Variants in SORBS2 observed in about 807,000 individuals in gnomAD.
The protein encoded by SORBS2 is sorbin and SH3 domain-containing protein 2.
SORBS2 carries 46 observed loss-of-function variants against 97.7 expected under a neutral mutation model. The ratio of observed to expected loss-of-function variants is 0.47; its 90% CI spans 0.37 to 0.60. The LOEUF (loss-of-function observed/expected upper bound fraction) is 0.60, where lower values mean the gene tolerates loss of function less well. Ranked by LOEUF, SORBS2 falls within the 20% of genes least tolerant of loss-of-function variation. SORBS2 has a pLI of 0.00. For synonymous variants in SORBS2, 476 were observed against 473.4 expected (o/e 1.01, Z -0.07); for missense variants, 1,316 against 1,282.3 (o/e 1.03, Z -0.40).
chr4:185,940,764 C>T (rs369120575), intron 1 of SORBS2, among the ~76,000 whole-genome samples: 7 of 152,258 alleles, frequency 4.6e-5, no homozygotes, highest in Admixed American at 1.3e-4. Context: ...GTTTTCTCAT[C>T]GCTGCAAAAT....
At chr4:185,920,162 T>C (rs779535756) in intron 1 of SORBS2, among the ~76,000 whole-genome samples, 7 of 152,236 alleles carry the variant, frequency 4.6e-5, no homozygotes, top group Non-Finnish European at 8.8e-5. Flanking sequence ...AGTAGCATAA[T>C]CATCAGGAGA....
upstream of SORBS2, among the ~76,000 whole-genome samples, chr4:185,658,749 G>A (rs1028019043): frequency 2.7e-5 from 4 of 145,944 alleles, no homozygotes; most frequent in Admixed American, 2.1e-4. Flanking sequence ...GGAGTGCAGT[G>A]GTGTGGTCTC....
chr4:185,677,495 C>T, intron 4 of SORBS2: 3 of 1,551,692 alleles, frequency 1.9e-6, no homozygotes, highest in Non-Finnish European at 2.6e-6. Context: ...ACATAGTTCC[C>T]TGAAGAGGTT....
chr4:185,753,233 A>G (rs1022664277), intron 2 of SORBS2, among the ~76,000 whole-genome samples: 9 of 152,356 alleles, frequency 5.9e-5, no homozygotes, highest in South Asian at 2.1e-4. Context: ...CAACCCATAA[A>G]CACAAAAAAT....
intron 1 of SORBS2, among the ~76,000 whole-genome samples, chr4:185,850,514 C>G (rs1335962126): frequency 2.0e-5 from 3 of 152,184 alleles, no homozygotes; most frequent in Non-Finnish European, 4.4e-5. Flanking sequence ...AATGATAGCT[C>G]TGTTCTCCTA....
At chr4:185,765,904 T>C (rs748580650) in intron 2 of SORBS2, among the ~76,000 whole-genome samples, 5 of 152,244 alleles carry the variant, frequency 3.3e-5, no homozygotes, top group Non-Finnish European at 5.9e-5. Context: ...ACAAACTTTA[T>C]AAACTTGTTT....
chr4:185,944,916 T>G (rs10866286), intron 1 of SORBS2, among the ~76,000 whole-genome samples: 11 of 152,230 alleles, frequency 7.2e-5, no homozygotes, highest in African/African-American at 2.6e-4. Flanking sequence ...ACAAAACCAC[T>G]CTGTCACTGA....
chr4:185,710,338 A>G lies in SORBS2; in HGVS notation c.-197-31516T>C, dbSNP rs185997521. Among the ~76,000 whole-genome samples, 285 of 152,364 alleles carry G rather than the reference A, an allele frequency of 1.9e-3. 8 individuals are homozygous for G. The highest frequency in any genetic ancestry group is 0.017 in the Admixed American group (264 of 15,312). On this transcript the variant is annotated intron_variant, in intron 2 of 20. Coordinates refer to the SORBS2 transcript ENST00000284776. ...GCCTCATTGTTGCTCGTCTTGCGACATAAAATAACAGCATGCTAGTGGCCA... is the reference window on the plus strand; with the variant it reads ...GCCTCATTGTTGCTCGTCTTGCGACGTAAAATAACAGCATGCTAGTGGCCA...
chr4:185,949,085 AG>A (rs1372631957), intron 1 of SORBS2, among the ~76,000 whole-genome samples: 2 of 151,648 alleles, frequency 1.3e-5, no homozygotes, highest in Admixed American at 6.6e-5. Flanking sequence ...AGGAAACAGG[AG>A]GGGGGTTGGG....
chr4:185,765,067 G>T (rs73873370), intron 2 of SORBS2, among the ~76,000 whole-genome samples: 1 of 151,990 alleles, frequency 6.6e-6, no homozygotes, highest in Non-Finnish European at 1.5e-5. Context: ...GATTCAGACT[G>T]ATCTACAGTC....
intron 1 of SORBS2, among the ~76,000 whole-genome samples, chr4:185,888,908 G>A (rs1454518097): frequency 1.3e-5 from 2 of 152,240 alleles, no homozygotes; most frequent in Non-Finnish European, 2.9e-5. Context: ...ATTGTATTCA[G>A]GGCAGAGTAG....
chr4:185,944,836 C>T (rs2099273770), intron 1 of SORBS2, among the ~76,000 whole-genome samples: 1 of 152,154 alleles, frequency 6.6e-6, no homozygotes, highest in South Asian at 2.1e-4. Context: ...TCTCTGCAAT[C>T]CCATGGCACA....
chr4:185,868,645 G>T (rs765742541), intron 1 of SORBS2, among the ~76,000 whole-genome samples: 1 of 152,122 alleles, frequency 6.6e-6, no homozygotes, highest in Non-Finnish European at 1.5e-5. Flanking sequence ...GCCACCACCG[G>T]TTGTAATTTT....
chr4:185,831,391 A>G (rs1232197671), intron 1 of SORBS2, among the ~76,000 whole-genome samples: 2 of 152,226 alleles, frequency 1.3e-5, no homozygotes, highest in African/African-American at 2.4e-5. Flanking sequence ...GACTTTGGAA[A>G]TAGTTTTCTC....
At chr4:185,889,028 G>A (rs888872456) in intron 1 of SORBS2, among the ~76,000 whole-genome samples, 2 of 152,178 alleles carry the variant, frequency 1.3e-5, no homozygotes, top group African/African-American at 2.4e-5. Flanking sequence ...AGGCGATCGG[G>A]GCTGAGTGAG....
Position 185,623,267 on chromosome 4 carries a change from T to C in SORBS2, c.1862A>G (p.Gln621Arg). The C allele has an allele frequency of 6.2e-7, 1 of 1,614,150 alleles. No homozygotes were observed. The highest frequency in any genetic ancestry group is 2.2e-5 in the East Asian group (1 of 44,876). ...TGCTTTACATTTTGCCTTTTCAGTC[T>C]GTTTCTTAGGAGCCGAATTTTTTTT... The change falls in exon 7 of 15, where the codon CAG becomes CGG. Residue 621 changes from glutamine to arginine, a missense_variant. Gln to Arg is a conservative substitution (Grantham distance 43, BLOSUM62 1). Coordinates refer to ENST00000418609, the Ensembl canonical transcript of SORBS2. The surrounding 1 kb of genome is among the most constrained non-coding windows in gnomAD (Gnocchi z 6.4).
chr4:185,600,362 G>A (rs529998676), intron 12 of SORBS2, among the ~76,000 whole-genome samples: 3 of 152,224 alleles, frequency 2.0e-5, no homozygotes, highest in South Asian at 2.1e-4. Context: ...TTTTTGAGAC[G>A]GAGTCTGGCT....
At chr4:185,889,278 A>T (rs1282655398) in intron 1 of SORBS2, among the ~76,000 whole-genome samples, 1 of 152,178 alleles carries the variant, frequency 6.6e-6, no homozygotes, top group African/African-American at 2.4e-5. Flanking sequence ...AAACAGAATG[A>T]GGTGCAACAA....
chr4:185,618,611 A>G, exon 9 of SORBS2: 1 of 1,541,470 alleles, frequency 6.5e-7, no homozygotes, highest in Non-Finnish European at 8.8e-7. Flanking sequence ...TAAAATCATA[A>G]ACAGCTTTTG....
Sources: allele counts gnomAD v4.1 joint callset (sites outside exome capture counted in the v4.1 genomes callset), GRCh38; gene constraint gnomAD v4.1.1; non-coding constraint Gnocchi (gnomAD v3.1); transcripts MANE v1.5; gene names NCBI Gene and HGNC (gene_info 2026-07-23, HGNC 2026-07-21).